The following TMEM132D variants were observed in gnomAD, a reference collection of about 807,000 sequenced individuals.
The protein encoded by TMEM132D is mature OL transmembrane protein.
In TMEM132D, 21 loss-of-function variants were observed where a neutral mutation model predicts 62.3. The ratio of observed to expected loss-of-function variants is 0.34; its 90% CI spans 0.24 to 0.49. TMEM132D has a LOEUF of 0.49. TMEM132D is among the 20% of genes least tolerant of loss of function. TMEM132D has a pLI of 0.99. For missense variants in TMEM132D, 1,346 were observed against 1,402.8 expected, an observed-to-expected ratio of 0.96 and a Z score of 0.65; for synonymous variants, 621 against 575.6, an observed-to-expected ratio of 1.08 and a Z score of -1.13.
At chr12:129,558,166 C>T (rs1236773409) in intron 2 of TMEM132D, among the ~76,000 whole-genome samples, 1 of 152,116 alleles carries the variant, frequency 6.6e-6, no homozygotes, top group Non-Finnish European at 1.5e-5. Context: ...GCTGATGGAA[C>T]CCATCTTAGG....
intron 3 of TMEM132D, among the ~76,000 whole-genome samples, chr12:129,442,696 G>T (rs1419790340): frequency 6.6e-6 from 1 of 152,124 alleles, no homozygotes; most frequent in Non-Finnish European, 1.5e-5. Context: ...TTTATCTGAT[G>T]AATAATACTG....
At chr12:129,084,454 A>G in intron 6 of TMEM132D, 43 bp downstream of exon 6, 1 of 1,544,400 alleles carries the variant, frequency 6.5e-7, no homozygotes, top group Non-Finnish European at 8.7e-7. Context: ...CACCCCGTAC[A>G]CTTCCTCCTT....
chr12:129,854,860 C>T (rs1017481338), intron 1 of TMEM132D: 7 of 152,410 alleles, frequency 4.6e-5, no homozygotes, highest in Non-Finnish European at 1.0e-4. Flanking sequence ...TCCCTCCCTC[C>T]TGACTGTGCT....
intron 2 of TMEM132D, among the ~76,000 whole-genome samples, chr12:129,583,826 A>G (rs577391230): frequency 6.6e-6 from 1 of 152,320 alleles, no homozygotes; most frequent in South Asian, 2.1e-4. Flanking sequence ...GTTCACCAAC[A>G]CACTGAGTGT....
intron 1 of TMEM132D, among the ~76,000 whole-genome samples, chr12:129,825,130 C>T (rs761309483): frequency 4.0e-5 from 6 of 151,752 alleles, no homozygotes; most frequent in Non-Finnish European, 7.4e-5. Flanking sequence ...TCTCCCGTCT[C>T]GGCCTCCCAA....
chr12:129,337,526 AT>A, intron 4 of TMEM132D, 107 bp downstream of exon 4: 1 of 1,361,970 alleles, frequency 7.3e-7, no homozygotes, highest in Non-Finnish European at 1.0e-6. Flanking sequence ...CACTGTCCTG[AT>A]TCTTGGCTCC....
At chr12:129,644,999 A>T (rs935177635) in intron 2 of TMEM132D, among the ~76,000 whole-genome samples, 8 of 151,342 alleles carry the variant, frequency 5.3e-5, no homozygotes, top group Non-Finnish European at 1.5e-5. Context: ...AAAAAAAAAA[A>T]AAAAAAAAAA....
chr12:129,865,409 C>T (rs1025643075), intron 1 of TMEM132D, among the ~76,000 whole-genome samples: 2 of 151,800 alleles, frequency 1.3e-5, no homozygotes, highest in Admixed American at 1.3e-4. Context: ...ACCAATTACA[C>T]AAAGGCTTGG....
At chr12:129,626,757 G>A (rs1246962561) in intron 2 of TMEM132D, among the ~76,000 whole-genome samples, 1 of 152,048 alleles carries the variant, frequency 6.6e-6, no homozygotes, top group Admixed American at 6.6e-5. Context: ...GGCCGGCCTA[G>A]TGCAACATTT....
At chr12:129,211,470 T>C (rs75328398) in intron 4 of TMEM132D, among the ~76,000 whole-genome samples, 3,264 of 152,292 alleles carry the variant, frequency 0.021, 108 homozygotes, top group African/African-American at 0.075. Flanking sequence ...TTGATTCTCA[T>C]GTGAAATGTA....
chr12:129,651,236 T>C (rs1227522304), intron 2 of TMEM132D, among the ~76,000 whole-genome samples: 1 of 152,212 alleles, frequency 6.6e-6, no homozygotes, highest in African/African-American at 2.4e-5. Flanking sequence ...CAGATTTAAT[T>C]CTATTGGTTC....
chr12:129,607,461 TC>T (rs1878657936), intron 2 of TMEM132D, among the ~76,000 whole-genome samples: 1 of 152,170 alleles, frequency 6.6e-6, no homozygotes, highest in African/African-American at 2.4e-5. Context: ...AACCTCTAGC[TC>T]CTCCAGAGAT....
chr12:129,623,676 C>T (rs868173503), intron 2 of TMEM132D, among the ~76,000 whole-genome samples: 1 of 135,462 alleles, frequency 7.4e-6, no homozygotes, highest in Admixed American at 7.4e-5. Context: ...TATATATACA[C>T]ATATATATAC....
chr12:129,133,636 T>G (rs1268318499), intron 5 of TMEM132D, among the ~76,000 whole-genome samples: 1 of 152,254 alleles, frequency 6.6e-6, no homozygotes, highest in Non-Finnish European at 1.5e-5. Context: ...GTGGTGGACA[T>G]CTGTTGCTTT....
At chr12:129,624,251 G>A (rs1471849063) in intron 2 of TMEM132D, among the ~76,000 whole-genome samples, 2 of 152,170 alleles carry the variant, frequency 1.3e-5, no homozygotes, top group African/African-American at 2.4e-5. Flanking sequence ...CCATCTCCAT[G>A]TCTTTTAGGA....
In TMEM132D at chr12:129,278,294, AACTGGGTCACC is replaced by A. The variant is rs1881050420; in HGVS notation, c.1299+59329_1299+59339del. Among the ~76,000 whole-genome samples, 3 of 152,280 alleles carry A rather than the reference AACTGGGTCACC, an allele frequency of 2.0e-5. No individual in the cohort carries two copies. The South Asian group carries it at 6.2e-4, about 32-fold the overall frequency. ...CCTGGCCTGGGAATTACTCAGTGGT[AACTGGGTCACC>A]ATGCACATGAAACGCAGACCACACT... On this transcript the variant is annotated intron_variant, in intron 4 of 8. Coordinates refer to ENST00000422113, the MANE Select transcript of TMEM132D (RefSeq NM_133448.3).
At chr12:129,822,737 G>T (rs1444021849) in intron 1 of TMEM132D, among the ~76,000 whole-genome samples, 2 of 152,186 alleles carry the variant, frequency 1.3e-5, no homozygotes, top group African/African-American at 4.8e-5. Flanking sequence ...AGCGAAGGGG[G>T]AAGTCCCTTA....
intron 3 of TMEM132D, among the ~76,000 whole-genome samples, chr12:129,441,087 T>G (rs1357861681): frequency 1.3e-5 from 2 of 152,182 alleles, no homozygotes; most frequent in Non-Finnish European, 1.5e-5. Flanking sequence ...TAGAGGGAAT[T>G]TAATCCAGGG....
At chr12:129,597,764 T>C (rs576185225) in intron 2 of TMEM132D, among the ~76,000 whole-genome samples, 1 of 152,340 alleles carries the variant, frequency 6.6e-6, no homozygotes, top group Admixed American at 6.5e-5. Flanking sequence ...AAGTGTTCTC[T>C]TCACATCATC....
Sources: gnomAD v4.1 joint callset for allele counts (sites outside exome capture counted in the v4.1 genomes callset) on GRCh38, gnomAD v4.1.1 for gene constraint, MANE v1.5 for transcripts, NCBI Gene and HGNC (gene_info 2026-07-23, HGNC 2026-07-21) for gene names.